Variants in PPARGC1B observed in about 807,000 individuals in gnomAD.
PPARGC1B encodes PPARG coactivator 1 beta.
A neutral mutation model predicts 101.6 loss-of-function variants in PPARGC1B; 34 were observed. The observed-to-expected ratio is 0.33, with a 90% CI of 0.25 to 0.45. The LOEUF (loss-of-function observed/expected upper bound fraction) is 0.45. PPARGC1B is among the 20% of genes least tolerant of loss of function. The pLI, the probability that PPARGC1B is intolerant of heterozygous loss-of-function variation, is 1.00. For synonymous variants in PPARGC1B, 548 were observed against 539.3 expected (o/e 1.02, Z -0.22); for missense variants, 1,234 against 1,317.6 (o/e 0.94, Z 0.98).
chr5:149,745,808 T>C (rs1755066401), intron 1 of PPARGC1B, among the ~76,000 whole-genome samples: 1 of 152,166 alleles, frequency 6.6e-6, no homozygotes, highest in Non-Finnish European at 1.5e-5. Context: ...TCTTGGTCCC[T>C]GTGTTTGTCC....
intron 1 of PPARGC1B, among the ~76,000 whole-genome samples, chr5:149,798,325 C>T (rs962380085): frequency 6.6e-6 from 1 of 152,236 alleles, no homozygotes; most frequent in Admixed American, 6.5e-5. Flanking sequence ...TAGTCTCTAA[C>T]ACGCCCTTGT....
chr5:149,736,538 G>A (rs1414102081), intron 1 of PPARGC1B, among the ~76,000 whole-genome samples: 1 of 152,106 alleles, frequency 6.6e-6, no homozygotes, highest in Non-Finnish European at 1.5e-5. Flanking sequence ...ATGCAGAATC[G>A]ATTGGATTGA....
intron 1 of PPARGC1B, among the ~76,000 whole-genome samples, chr5:149,756,221 A>T (rs1279154996): frequency 6.6e-6 from 1 of 152,096 alleles, no homozygotes; most frequent in Non-Finnish European, 1.5e-5. Context: ...CAGCACTTTG[A>T]GAGGCCGGGA....
chr5:149,794,640 G>A (rs940416739), intron 1 of PPARGC1B, among the ~76,000 whole-genome samples: 1 of 152,190 alleles, frequency 6.6e-6, no homozygotes, highest in Admixed American at 6.5e-5. Context: ...TTCTGTGCCT[G>A]TTGCCTTTGA....
At chr5:149,778,543 C>T (rs1400627612) in intron 1 of PPARGC1B, among the ~76,000 whole-genome samples, 1 of 152,132 alleles carries the variant, frequency 6.6e-6, no homozygotes, top group Non-Finnish European at 1.5e-5. Context: ...CATGACCTCC[C>T]ACAGCTGCTT....
At chr5:149,750,461 T>A (rs1416744435) in intron 1 of PPARGC1B, among the ~76,000 whole-genome samples, 6 of 8,436 alleles carry the variant, frequency 7.1e-4, no homozygotes, top group African/African-American at 3.3e-3. Context: ...AAAATATATA[T>A]ATATATATAT....
Position 149,833,594 on chromosome 5 carries a change from C to G in PPARGC1B, c.1521C>G (p.Pro507=), listed in dbSNP as rs1417908042. 6.2e-7 allele frequency: 1 copy of G among 1,605,512 alleles called. No homozygotes were observed. Among genetic ancestry groups the G allele is most frequent in the Non-Finnish European group, 8.5e-7 (1 of 1,176,334 alleles). The part of the protein sequence containing the change: ...LVPSEPQGAL[P]SLCLAPKAYD... ...CCTCGGAGCCCCAAGGTGCTCTGCC[C>G]TCACTGTGCCTGGCTCCCAAGGCCT... Residue 507 remains proline (P), a synonymous_variant, in exon 5 of 12, where the codon CCC becomes CCG. Coordinates refer to ENST00000309241, the MANE Select transcript of PPARGC1B (RefSeq NM_133263.4). This position sits in a 1 kb window ranked among gnomAD's most constrained non-coding sequence, Gnocchi z 4.1.
intron 1 of PPARGC1B, among the ~76,000 whole-genome samples, chr5:149,768,958 G>A (rs1756022815): frequency 6.6e-6 from 1 of 152,130 alleles, no homozygotes; most frequent in Non-Finnish European, 1.5e-5. Flanking sequence ...CCTGGCCACT[G>A]ATAGAGTTTT....
chr5:149,798,144 A>T (rs528502966), intron 1 of PPARGC1B, among the ~76,000 whole-genome samples: 1 of 152,328 alleles, frequency 6.6e-6, no homozygotes, highest in South Asian at 2.1e-4. Context: ...TGGTTAAGGG[A>T]CCAAGCCCAA....
Position 149,847,152 on chromosome 5 carries a change from G to A in PPARGC1B, c.2972-306G>A, listed in dbSNP as rs1255525503. On this transcript the variant is annotated intron_variant, in intron 11 of 11. Coordinates refer to ENST00000309241, the MANE Select transcript of PPARGC1B (RefSeq NM_133263.4). ...GCACTGCAGCAGGTTACTAATGGACGAGAAGCTGTTGGGGGAAGTAGAGTT... is the reference window on the plus strand; with the variant it reads ...GCACTGCAGCAGGTTACTAATGGACAAGAAGCTGTTGGGGGAAGTAGAGTT... 8.2e-6 allele frequency: 4 copies of A among 490,144 alleles called. No individual in the cohort carries two copies. In the Admixed American group the frequency reaches 9.7e-5, roughly 12 times the overall value. The allele number at this position is 490,144 out of a possible 1,614,324, so 30.4% of individuals were successfully genotyped here. A position where few individuals can be genotyped will look rare whatever the true frequency, so the allele number is the denominator to read the frequency against.
chr5:149,788,403 G>A (rs554409463), intron 1 of PPARGC1B, among the ~76,000 whole-genome samples: 26 of 152,268 alleles, frequency 1.7e-4, no homozygotes, highest in Non-Finnish European at 2.2e-4. Flanking sequence ...TTAGAATGGC[G>A]ATCATTAAAA....
At chr5:149,790,971 G>T (rs1000051474) in intron 1 of PPARGC1B, among the ~76,000 whole-genome samples, 1 of 152,066 alleles carries the variant, frequency 6.6e-6, no homozygotes, top group Admixed American at 6.5e-5. Context: ...GGTGGTAAGA[G>T]AACCAAACTG....
At position 149,730,540 on chromosome 5, in the gene PPARGC1B, C is replaced by T. The variant is rs1203117599; in HGVS notation, c.78+120C>T. 3 of 711,282 alleles carry T rather than the reference C, an allele frequency of 4.2e-6. No individual in the cohort carries two copies. The highest frequency in any genetic ancestry group is 6.5e-6 in the Non-Finnish European group (3 of 458,904). The allele number at this position is 711,282 out of a possible 1,614,324, so 44.1% of individuals were successfully genotyped here. A position where few individuals can be genotyped will look rare whatever the true frequency, so the allele number is the denominator to read the frequency against. On this transcript the variant is annotated intron_variant, in intron 1 of 11. Coordinates refer to ENST00000309241, the MANE Select transcript of PPARGC1B (RefSeq NM_133263.4). This position sits in a 1 kb window ranked among gnomAD's most constrained non-coding sequence, Gnocchi z 4.0. ...CCCTGGGGTAACTGGGGGTTCCAGG[C>T]TGCAGAGCCCCCCTTCCAGGCGCCC...
chr5:149,833,580 C>A lies in PPARGC1B; in HGVS notation c.1507C>A (p.Gln503Lys). 1 of 1,600,870 alleles carries A rather than the reference C, an allele frequency of 6.2e-7. No individual in the cohort carries two copies. The highest frequency in any genetic ancestry group is 8.5e-7 in the Non-Finnish European group (1 of 1,173,994). ...ADEPLVPSEPQGALPSLCLAP... is the reference protein window; with the variant it reads ...ADEPLVPSEPKGALPSLCLAP... Reference sequence around the variant, plus strand: ...TGAGCCGCTGGTCCCCTCGGAGCCCCAAGGTGCTCTGCCCTCACTGTGCCT... The same window carrying A: ...TGAGCCGCTGGTCCCCTCGGAGCCCAAAGGTGCTCTGCCCTCACTGTGCCT... The change falls in exon 5 of 12, where the codon CAA becomes AAA. Residue 503 changes from glutamine (Q) to lysine (K), a missense_variant. Physicochemically the swap from Gln to Lys is moderately conservative, Grantham distance 53. Transcript: ENST00000309241. This position sits in a 1 kb window ranked among gnomAD's most constrained non-coding sequence, Gnocchi z 4.1.
At position 149,836,282 on chromosome 5, in the gene PPARGC1B, A is replaced by G. The variant is rs1320894009; in HGVS notation, c.1827A>G (p.Thr609=). The change falls in exon 8 of 12, where the codon ACA becomes ACG. Residue 609 remains threonine (T), a synonymous_variant. Coordinates refer to ENST00000309241, the MANE Select transcript of PPARGC1B (RefSeq NM_133263.4). ...CGTAGLTPPT[T]PPYKPTEEDP... ...GGGCAGGACTCACCCCACCCACCAC[A>G]CCACCGTACAAGCCCACAGAGGAGG... The G allele has an allele frequency of 6.3e-7, 1 of 1,580,706 alleles. No individual in the cohort carries two copies. Among genetic ancestry groups the G allele is most frequent in the Non-Finnish European group, 8.6e-7 (1 of 1,163,966 alleles).
chr5:149,808,680 CAT>C (rs1757688671), intron 1 of PPARGC1B, among the ~76,000 whole-genome samples: 1 of 152,192 alleles, frequency 6.6e-6, no homozygotes, highest in African/African-American at 2.4e-5. Context: ...AAAAAATGCA[CAT>C]GTTGCGCTCT....
chr5:149,737,854 C>A (rs189052014), intron 1 of PPARGC1B, among the ~76,000 whole-genome samples: 18 of 152,252 alleles, frequency 1.2e-4, no homozygotes, highest in African/African-American at 4.1e-4. Context: ...ATTAGCCGGG[C>A]ATGGTGGCGC....
chr5:149,754,490 T>C (rs1755433169), intron 1 of PPARGC1B, among the ~76,000 whole-genome samples: 1 of 152,198 alleles, frequency 6.6e-6, no homozygotes, highest in Non-Finnish European at 1.5e-5. Context: ...GTTGGATAGA[T>C]AGATAATCAG....
intron 1 of PPARGC1B, among the ~76,000 whole-genome samples, chr5:149,781,597 G>C (rs920642933): frequency 1.3e-5 from 2 of 152,194 alleles, no homozygotes; most frequent in Non-Finnish European, 2.9e-5. Context: ...TTGCCATCAT[G>C]CTGCCGTTTG....
Sources: gnomAD v4.1 joint callset for allele counts (sites outside exome capture counted in the v4.1 genomes callset) on GRCh38, gnomAD v4.1.1 for gene constraint, Gnocchi (gnomAD v3.1) non-coding constraint, MANE v1.5 for transcripts, NCBI Gene and HGNC (gene_info 2026-07-23, HGNC 2026-07-21) for gene names.